Variants in WDR73 observed in about 807,000 individuals in gnomAD.
The protein encoded by WDR73 is integrator complex assembly factor WDR73.
Under a neutral mutation model 38.2 loss-of-function variants are expected in WDR73, and 30 were observed. The ratio of observed to expected loss-of-function variants is 0.79; its 90% CI spans 0.59 to 1.06. The LOEUF is 1.06. WDR73 is among the 50% of genes least tolerant of loss of function. WDR73 has a pLI of 0.00. For synonymous variants in WDR73, 197 were observed against 176.0 expected (o/e 1.12, Z -0.94); for missense variants, 487 against 467.0 (o/e 1.04, Z -0.40).
chr15:84,640,460 C>T lies in WDR73; in HGVS notation c.*3010G>A, dbSNP rs1414599122. 6.6e-6 allele frequency: 1 copy of T among 152,252 alleles called. No homozygotes were observed. Among genetic ancestry groups the T allele is most frequent in the African/African-American group, 2.4e-5 (1 of 41,458 alleles). 9.4% of individuals were successfully genotyped at this position (152,252 alleles called of 1,614,324 possible). On this transcript the variant is annotated 3_prime_UTR_variant, in exon 8 of 8. Coordinates refer to ENST00000434634, the MANE Select transcript of WDR73 (RefSeq NM_032856.5). ...CTCTTTAGCCAAGGAGTCTCCCTTC[C>T]TGCCTTCAGTAACAACATTACAGGA...
rs1246759634 is a variant in WDR73 at position 84,646,262 on chromosome 15, G to A, written c.439C>T (p.Pro147Ser). ...PRVAVFSTLA[P>S]GVLHGARLRS... ...AGCCTCGCCCCATGGAGGACTCCGG[G>A]TGCCAATGTGGAGAAGACGGCCACC... The change falls in exon 6 of 8, where the codon CCC becomes TCC. Residue 147 changes from proline to serine, a missense_variant. Transcript: ENST00000434634. 9 of 1,613,844 alleles carry A rather than the reference G, an allele frequency of 5.6e-6. No individual in the cohort carries two copies. Among genetic ancestry groups the A allele is most frequent in the Non-Finnish European group, 7.6e-6 (9 of 1,179,908 alleles).
rs552328840 is a variant in WDR73 at position 84,641,785 on chromosome 15, C to G, written c.*1685G>C. 6.6e-6 allele frequency: 1 copy of G among 152,186 alleles called. No individual in the cohort carries two copies. Among genetic ancestry groups the G allele is most frequent in the Admixed American group, 6.5e-5 (1 of 15,278 alleles). The allele number at this position is 152,186 out of a possible 1,614,324, so 9.4% of individuals were successfully genotyped here. A position where few individuals can be genotyped will look rare whatever the true frequency, so the allele number is the denominator to read the frequency against. On this transcript the variant is annotated 3_prime_UTR_variant, in exon 8 of 8. Coordinates refer to ENST00000434634, the MANE Select transcript of WDR73 (RefSeq NM_032856.5). ...ACCCACCTTGGCCCCCCACAAAGTG[C>G]TGGGATTACAGGCGTGAGCCACTGT...
chr15:84,653,211 ACG>A (rs1390052422), intron 2 of WDR73: 2 of 192,850 alleles, frequency 1.0e-5, no homozygotes, highest in African/African-American at 4.7e-5. Context: ...TTTGTTAGCC[ACG>A]CTGGAATACA....
At chr15:84,653,910 A>G (rs1230017872) in intron 1 of WDR73, 2 of 605,024 alleles carry the variant, frequency 3.3e-6, no homozygotes, top group East Asian at 2.8e-5. Context: ...GTCCCAGGGT[A>G]CCCAGATTTC....
Position 84,644,000 on chromosome 15 carries a change from T to C in WDR73, c.884-277A>G, listed in dbSNP as rs186954781. The C allele has an allele frequency of 3.2e-5, 11 of 339,614 alleles. No homozygotes were observed. In the East Asian group the frequency reaches 6.8e-4, roughly 21 times the overall value. 21.0% of individuals were successfully genotyped at this position (339,614 alleles called of 1,614,324 possible). On this transcript the variant is annotated intron_variant, in intron 7 of 7. Transcript: ENST00000434634. The stretch of plus-strand genomic sequence containing the variant: ...AAAGGCTAACCACGGGCAAGTAGCA[T>C]CTGCCCTCAGTGTTGGCAGCTGATG...
At chr15:84,650,330 G>A (rs1896582673) in intron 3 of WDR73, among the ~76,000 whole-genome samples, 1 of 151,406 alleles carries the variant, frequency 6.6e-6, no homozygotes, top group South Asian at 2.1e-4. Context: ...TGGGATTAAA[G>A]GCATATACCA....
intron 3 of WDR73, 115 bp from the exon 4 acceptor site, chr15:84,648,740 T>C: frequency 1.3e-6 from 1 of 781,412 alleles, no homozygotes; most frequent in Non-Finnish European, 2.2e-6. Flanking sequence ...GCCACTCAGC[T>C]GGTGAAAGGG....
intron 6 of WDR73, 121 bp downstream of exon 6, chr15:84,646,063 T>A: frequency 6.4e-7 from 1 of 1,557,160 alleles, no homozygotes. Flanking sequence ...GCTTACCTCT[T>A]ATTCACTGTG....
chr15:84,645,138 G>C (rs1896405396), intron 7 of WDR73: 1 of 1,092,134 alleles, frequency 9.2e-7, no homozygotes, highest in Non-Finnish European at 1.1e-6. Flanking sequence ...TTTTAGTAGG[G>C]ACGGGGTTTC....
At chr15:84,652,903 T>C (rs1896668814) in intron 2 of WDR73, 101 bp from the exon 3 acceptor site, 1 of 658,752 alleles carries the variant, frequency 1.5e-6, no homozygotes, top group Admixed American at 3.4e-5. Flanking sequence ...TGCAGCCTTG[T>C]ATGGAGGAAT....
intron 1 of WDR73, chr15:84,653,957 G>A: frequency 1.7e-6 from 1 of 604,388 alleles, no homozygotes; most frequent in Non-Finnish European, 2.9e-6. Flanking sequence ...GATCATCTGT[G>A]TTCTGAGCTG....
intron 7 of WDR73, chr15:84,644,601 A>T (rs1896383338): frequency 1.7e-5 from 2 of 119,096 alleles, no homozygotes. Context: ...TTTTTTTGAG[A>T]CAGAGTCTTG....
intron 2 of WDR73, 32 bp downstream of exon 2, chr15:84,653,600 C>G (rs1451706317): frequency 6.5e-7 from 1 of 1,538,194 alleles, no homozygotes; most frequent in South Asian, 1.2e-5. Flanking sequence ...GAGTGAGATT[C>G]CCTCTCCTTC....
In WDR73 at chr15:84,642,365, A is replaced by C. The variant is rs995434489; in HGVS notation, c.*1105T>G. On this transcript the variant is annotated 3_prime_UTR_variant, in exon 8 of 8. Coordinates refer to ENST00000434634, the MANE Select transcript of WDR73 (RefSeq NM_032856.5). Reference sequence around the variant, plus strand: ...TACTACAAAAAAAAAAAAAAAAAAAATTCAACCACCTTAGGAAGCCTCTCA... The same window carrying C: ...TACTACAAAAAAAAAAAAAAAAAAACTTCAACCACCTTAGGAAGCCTCTCA... The C allele has an allele frequency of 6.8e-6, 1 of 147,444 alleles. No homozygotes were observed. Among genetic ancestry groups the C allele is most frequent in the Non-Finnish European group, 1.5e-5 (1 of 66,872 alleles). The allele number at this position is 147,444 out of a possible 1,614,324, so 9.1% of individuals were successfully genotyped here.
Position 84,652,805 on chromosome 15 carries a change from G to C in WDR73, c.110-3C>G. Reference sequence around the variant, plus strand: ...TTCATAGCCAGCAACAAAGACTCCTGGAAAAAGAAGCAGAGGTAGCTGTCA... The same window carrying C: ...TTCATAGCCAGCAACAAAGACTCCTCGAAAAAGAAGCAGAGGTAGCTGTCA... On this transcript the variant is annotated splice_polypyrimidine_tract_variant and splice_region_variant and intron_variant, in intron 2 of 7. Coordinates refer to ENST00000434634, the MANE Select transcript of WDR73 (RefSeq NM_032856.5). 1 of 1,511,678 alleles carries C rather than the reference G, an allele frequency of 6.6e-7. No homozygotes were observed. Among genetic ancestry groups the C allele is most frequent in the Non-Finnish European group, 8.9e-7 (1 of 1,128,664 alleles). 93.6% of individuals were successfully genotyped at this position (1,511,678 alleles called of 1,614,324 possible). A position where few individuals can be genotyped will look rare whatever the true frequency, so the allele number is the denominator to read the frequency against.
intron 2 of WDR73, 47 bp from the exon 3 acceptor site, chr15:84,652,849 G>C: frequency 8.5e-7 from 1 of 1,176,446 alleles, no homozygotes; most frequent in Non-Finnish European, 1.2e-6. Flanking sequence ...TAGAAAGATT[G>C]CAGACCATGC....
At chr15:84,644,200 GC>G in intron 7 of WDR73, 1 of 158,770 alleles carries the variant, frequency 6.3e-6, no homozygotes, top group East Asian at 1.9e-4. Flanking sequence ...TTTTCAAGTT[GC>G]CCCAGAGTCC....
intron 3 of WDR73, among the ~76,000 whole-genome samples, chr15:84,651,696 G>C (rs1812266788): frequency 6.6e-6 from 1 of 152,074 alleles, no homozygotes; most frequent in Non-Finnish European, 1.5e-5. Context: ...CCTTCCCTCA[G>C]ATCTGTGTTT....
At chr15:84,645,987 C>A in intron 6 of WDR73, 151 bp from the exon 7 acceptor site, 1 of 1,543,614 alleles carries the variant, frequency 6.5e-7, no homozygotes, top group Non-Finnish European at 8.7e-7. Context: ...GTCTGCTCAG[C>A]TGGTTGGGTG....
Sources: allele counts gnomAD v4.1 joint callset (sites outside exome capture counted in the v4.1 genomes callset), GRCh38; gene constraint gnomAD v4.1.1; transcripts MANE v1.5; gene names NCBI Gene and HGNC (gene_info 2026-07-23, HGNC 2026-07-21).